The following MAP3K7CL variants were observed in gnomAD, a reference collection of about 807,000 sequenced individuals.
MAP3K7CL encodes the protein MAP3K7 C-terminal like, also known as MAP3K7 C-terminal-like protein.
In MAP3K7CL, 16 loss-of-function variants were observed where a neutral mutation model predicts 18.6. The observed-to-expected ratio is 0.86, with a 90% CI of 0.58 to 1.31. MAP3K7CL has a LOEUF of 1.31. Ranked by LOEUF, MAP3K7CL falls within the 50% of genes most tolerant of loss-of-function variation. The pLI is 0.00. For synonymous variants in MAP3K7CL, 65 were observed against 66.8 expected (o/e 0.97, Z 0.13); for missense variants, 163 against 174.4 (o/e 0.93, Z 0.37).
intron 2 of MAP3K7CL, among the ~76,000 whole-genome samples, chr21:29,144,734 A>G (rs1343945970): frequency 1.3e-5 from 2 of 152,348 alleles, no homozygotes; most frequent in South Asian, 4.1e-4. Flanking sequence ...ATTGCTAGCT[A>G]TCATTGCTAA....
At chr21:29,091,224 A>C (rs2086021816) in intron 1 of MAP3K7CL, among the ~76,000 whole-genome samples, 1 of 152,214 alleles carries the variant, frequency 6.6e-6, no homozygotes, top group South Asian at 2.1e-4. Flanking sequence ...ACAGTGTATT[A>C]CCAAATGGTG....
At chr21:29,092,633 A>G (rs759950583) in intron 4 of MAP3K7CL, 1 of 1,603,130 alleles carries the variant, frequency 6.2e-7, no homozygotes, top group South Asian at 1.1e-5. Context: ...GGCTTTTTAC[A>G]CACTGCACCA....
intron 4 of MAP3K7CL, among the ~76,000 whole-genome samples, chr21:29,115,533 G>A (rs188267622): frequency 3.9e-5 from 6 of 152,324 alleles, no homozygotes; most frequent in African/African-American, 1.4e-4. Context: ...TGGCCTGGAT[G>A]TGAAACTTGA....
chr21:29,171,484 G>T (rs2087825002), intron 4 of MAP3K7CL, among the ~76,000 whole-genome samples: 1 of 152,090 alleles, frequency 6.6e-6, no homozygotes, highest in African/African-American at 2.4e-5. Context: ...ACTGCATTTT[G>T]ATAGTTTCAA....
intron 2 of MAP3K7CL, among the ~76,000 whole-genome samples, chr21:29,138,912 C>A (rs2086942430): frequency 6.6e-6 from 1 of 152,090 alleles, no homozygotes; most frequent in Admixed American, 6.5e-5. Context: ...CTGCAGTGAG[C>A]CATGATTACA....
At chr21:29,134,191 T>C (rs999719261) in intron 2 of MAP3K7CL, among the ~76,000 whole-genome samples, 5 of 148,936 alleles carry the variant, frequency 3.4e-5, no homozygotes, top group African/African-American at 9.9e-5. Flanking sequence ...CTCTCTCTCT[T>C]GCTATAATGC....
chr21:29,129,476 T>C (rs542513565), upstream of MAP3K7CL, among the ~76,000 whole-genome samples: 1 of 152,382 alleles, frequency 6.6e-6, no homozygotes, highest in Admixed American at 6.5e-5. Flanking sequence ...CATTTAGTAA[T>C]ATGCACTTAA....
chr21:29,080,015 G>A (rs2085809806), intron 1 of MAP3K7CL, among the ~76,000 whole-genome samples: 1 of 152,154 alleles, frequency 6.6e-6, no homozygotes, highest in African/African-American at 2.4e-5. Context: ...AGGGTGAAAT[G>A]GAATGAGATG....
At chr21:29,158,589 C>T (rs183985575) in intron 3 of MAP3K7CL, among the ~76,000 whole-genome samples, 23 of 152,240 alleles carry the variant, frequency 1.5e-4, no homozygotes, top group African/African-American at 5.5e-4. Context: ...AGACAGTAAA[C>T]TTTATTGAAT....
intron 3 of MAP3K7CL, among the ~76,000 whole-genome samples, chr21:29,151,790 A>G (rs148278577): frequency 6.6e-6 from 1 of 152,352 alleles, no homozygotes; most frequent in Non-Finnish European, 1.5e-5. Flanking sequence ...CAAGACTCAC[A>G]GTAGCTCTGG....
At chr21:29,135,173 G>A (rs923929435) in intron 2 of MAP3K7CL, among the ~76,000 whole-genome samples, 2 of 152,130 alleles carry the variant, frequency 1.3e-5, no homozygotes, top group Admixed American at 1.3e-4. Flanking sequence ...GTTATGTTCT[G>A]AACTCAGGGC....
chr21:29,092,593 G>A (rs375189091), intron 4 of MAP3K7CL: 185 of 1,612,450 alleles, frequency 1.1e-4, no homozygotes, highest in Non-Finnish European at 1.5e-4. Flanking sequence ...TGAGTATTCC[G>A]TCCACTTTCT....
chr21:29,143,827 C>G (rs2087063362), intron 2 of MAP3K7CL, among the ~76,000 whole-genome samples: 1 of 152,126 alleles, frequency 6.6e-6, no homozygotes. Context: ...GATTGTAAAA[C>G]CCAGTGAAGA....
At chr21:29,127,355 T>C (rs989689447), upstream of MAP3K7CL, among the ~76,000 whole-genome samples, 4 of 152,246 alleles carry the variant, frequency 2.6e-5, no homozygotes, top group African/African-American at 9.6e-5. Context: ...TGTTTATATA[T>C]TGATGCAGAA....
At chr21:29,136,433 T>C (rs1007608131) in intron 2 of MAP3K7CL, among the ~76,000 whole-genome samples, 1 of 152,186 alleles carries the variant, frequency 6.6e-6, no homozygotes, top group African/African-American at 2.4e-5. Context: ...TCTACATTGT[T>C]GGATTTATTG....
chr21:29,094,757 T>C (rs749852452), intron 4 of MAP3K7CL, among the ~76,000 whole-genome samples: 1 of 151,840 alleles, frequency 6.6e-6, no homozygotes, highest in African/African-American at 2.4e-5. Context: ...CTCTAGGGAG[T>C]TGCAGTCAAG....
intron 3 of MAP3K7CL, among the ~76,000 whole-genome samples, 193 bp from the exon 4 acceptor site, chr21:29,159,748 T>C (rs1243854994): frequency 1.3e-5 from 2 of 152,118 alleles, no homozygotes; most frequent in Admixed American, 6.5e-5. Context: ...GGAGACTATC[T>C]GTCCACCTCT....
chr21:29,145,379 C>A (rs1447722775), intron 2 of MAP3K7CL, among the ~76,000 whole-genome samples: 1 of 152,116 alleles, frequency 6.6e-6, no homozygotes, highest in Non-Finnish European at 1.5e-5. Flanking sequence ...TAACTGCTGT[C>A]AGGAACTCCG....
intron 4 of MAP3K7CL, among the ~76,000 whole-genome samples, chr21:29,098,560 G>A (rs1024914428): frequency 6.6e-6 from 1 of 152,334 alleles, no homozygotes; most frequent in East Asian, 1.9e-4. Context: ...ACTGTGCACC[G>A]TTCTTTCAAA....
Sources: allele counts gnomAD v4.1 joint callset (sites outside exome capture counted in the v4.1 genomes callset), GRCh38; gene constraint gnomAD v4.1.1; transcripts MANE v1.5; gene names NCBI Gene and HGNC (gene_info 2026-07-23, HGNC 2026-07-21).